Variants in IQCH observed in about 807,000 individuals in gnomAD.
IQCH encodes IQ motif containing H, also known as IQ domain-containing protein H.
IQCH carries 98 observed loss-of-function variants against 117.0 expected under a neutral mutation model. That is an observed-to-expected ratio of 0.84 (90% CI 0.71 to 0.99). The LOEUF (loss-of-function observed/expected upper bound fraction) is 0.99. Ranked by LOEUF, IQCH falls within the 50% of genes least tolerant of loss-of-function variation. The probability of loss-of-function intolerance (pLI) is 0.00; values close to 1 mark genes in which losing one functional copy is unlikely to be tolerated. For synonymous variants in IQCH, 412 were observed against 448.2 expected (o/e 0.92, Z 1.02); for missense variants, 1,102 against 1,243.8 (o/e 0.89, Z 1.72).
At position 67,421,402 on chromosome 15, in the gene IQCH, A is replaced by T; in HGVS notation, c.2330A>T (p.His777Leu). The stretch of plus-strand genomic sequence containing the variant: ...GTGCTGTCGACAGGGGACCAGCTTC[A>T]TGCTGAAAGCCCCTTCATCTCCTCT... ...ISVLSTGDQL[H>L]AESPFISSGT... is the part of the protein sequence containing the mutation. Residue 777 changes from histidine to leucine, a missense_variant, in exon 16 of 21, where the codon CAT becomes CTT. By Grantham distance (99) the His-to-Leu change is moderately conservative (BLOSUM62 -3). Transcript: ENST00000335894. 6.2e-7 allele frequency: 1 copy of T among 1,614,176 alleles called. No homozygotes were observed. Among genetic ancestry groups the T allele is most frequent in the Non-Finnish European group, 8.5e-7 (1 of 1,180,012 alleles).
Position 67,491,671 on chromosome 15 carries a change from C to G in IQCH, c.2861+1607C>G, listed in dbSNP as rs577157802. On this transcript the variant is annotated intron_variant, in intron 19 of 20. Transcript: ENST00000335894. This position sits in a 1 kb window ranked among gnomAD's most constrained non-coding sequence, Gnocchi z 4.9. The stretch of plus-strand genomic sequence containing the variant: ...AATCCATAACATCCCAACAAGCTTG[C>G]CTTCATCTTCTCCACCTAGGCCTTC... Among the ~76,000 whole-genome samples the G allele has an allele frequency of 6.6e-6, 1 of 152,264 alleles. No homozygotes were observed. Among genetic ancestry groups the G allele is most frequent in the East Asian group, 1.9e-4 (1 of 5,178 alleles).
chr15:67,398,738 A>G (rs1009863789), intron 13 of IQCH, among the ~76,000 whole-genome samples: 2 of 152,126 alleles, frequency 1.3e-5, no homozygotes, highest in African/African-American at 4.8e-5. Context: ...TTAAAAAAAA[A>G]AAAAATTGTG....
At chr15:67,338,968 G>A (rs1969024017) in intron 5 of IQCH, among the ~76,000 whole-genome samples, 2 of 152,084 alleles carry the variant, frequency 1.3e-5, no homozygotes, top group Admixed American at 1.3e-4. Context: ...CTTTTCCTCT[G>A]CCAGTAAAGG....
In IQCH at chr15:67,417,194, G is replaced by A. The variant is rs1354385579; in HGVS notation, c.2218+143G>A. On this transcript the variant is annotated intron_variant, in intron 15 of 20. Transcript: ENST00000335894. The surrounding 1 kb of genome is among the most constrained non-coding windows in gnomAD (Gnocchi z 4.3). ...GCTCCTACGGTTTTCTTTTTCAAAT[G>A]TTGCCTAAATATTTATCTTACACCC... 3 of 599,266 alleles carry A rather than the reference G, an allele frequency of 5.0e-6. No homozygotes were observed. Among genetic ancestry groups the A allele is most frequent in the South Asian group, 8.8e-5 (2 of 22,758 alleles). The allele number at this position is 599,266 out of a possible 1,614,324, so 37.1% of individuals were successfully genotyped here. A position where few individuals can be genotyped will look rare whatever the true frequency, so the allele number is the denominator to read the frequency against.
intron 14 of IQCH, among the ~76,000 whole-genome samples, chr15:67,414,780 G>C (rs2081536938): frequency 6.6e-6 from 1 of 151,892 alleles, no homozygotes; most frequent in Non-Finnish European, 1.5e-5. Flanking sequence ...ATGAATGAAT[G>C]ATTTATCTTT....
intron 4 of IQCH, 111 bp from the exon 5 acceptor site, chr15:67,336,864 C>T: frequency 9.5e-7 from 1 of 1,057,602 alleles, no homozygotes; most frequent in South Asian, 1.6e-5. Flanking sequence ...GATATTGCTA[C>T]TTTATTAAAA....
At chr15:67,314,013 ACT>A (rs1390306476) in intron 4 of IQCH, among the ~76,000 whole-genome samples, 1 of 151,874 alleles carries the variant, frequency 6.6e-6, no homozygotes, top group Non-Finnish European at 1.5e-5. Flanking sequence ...TTTACATACA[ACT>A]CTCTGTCCCT....
At chr15:67,274,764 C>G (rs1449142342) in intron 3 of IQCH, among the ~76,000 whole-genome samples, 1 of 151,910 alleles carries the variant, frequency 6.6e-6, no homozygotes, top group African/African-American at 2.4e-5. Flanking sequence ...TTATTCCAGT[C>G]TTCTCTCTCT....
At chr15:67,394,360 T>G (rs1971388251) in intron 12 of IQCH, among the ~76,000 whole-genome samples, 1 of 152,188 alleles carries the variant, frequency 6.6e-6, no homozygotes, top group Non-Finnish European at 1.5e-5. Flanking sequence ...GATACTGTTA[T>G]TACACTCATT....
intron 14 of IQCH, among the ~76,000 whole-genome samples, chr15:67,414,542 T>C (rs2081527094): frequency 6.6e-6 from 1 of 151,910 alleles, no homozygotes; most frequent in Non-Finnish European, 1.5e-5. Context: ...TCATCTGTCA[T>C]GTTGAGGAGT....
At chr15:67,468,073 C>T (rs887764687) in intron 17 of IQCH, among the ~76,000 whole-genome samples, 2 of 152,096 alleles carry the variant, frequency 1.3e-5, no homozygotes, top group Non-Finnish European at 2.9e-5. Flanking sequence ...CCCAGACGTG[C>T]GTGTTTTAGA....
chr15:67,259,480 A>G (rs562224553), intron 1 of IQCH, among the ~76,000 whole-genome samples: 3 of 152,254 alleles, frequency 2.0e-5, no homozygotes, highest in Admixed American at 6.5e-5. Context: ...AGAGCTAGAC[A>G]TTATATTCAG....
At chr15:67,318,352 T>G (rs1440944553) in intron 4 of IQCH, among the ~76,000 whole-genome samples, 1 of 152,144 alleles carries the variant, frequency 6.6e-6, no homozygotes, top group African/African-American at 2.4e-5. Flanking sequence ...GGGGGACCTA[T>G]GTGAAGAAAA....
Position 67,475,528 on chromosome 15 carries a change from G to T in IQCH, c.2677-168G>T, listed in dbSNP as rs2083181423. On this transcript the variant is annotated intron_variant, in intron 17 of 20. Coordinates refer to ENST00000335894, the MANE Select transcript of IQCH (RefSeq NM_001031715.3). The surrounding 1 kb of genome is among the most constrained non-coding windows in gnomAD (Gnocchi z 5.7). ...AATGTAGCAATTTGTTCCCTTAGTT[G>T]TGACAAATGTACCACAGCAATGTAA... Among the ~76,000 whole-genome samples, 1 of 152,172 alleles carries T rather than the reference G, an allele frequency of 6.6e-6. No individual in the cohort carries two copies. The highest frequency in any genetic ancestry group is 1.5e-5 in the Non-Finnish European group (1 of 68,036).
chr15:67,428,862 AAG>A (rs376864110), intron 16 of IQCH, among the ~76,000 whole-genome samples: 6 of 150,242 alleles, frequency 4.0e-5, no homozygotes, highest in South Asian at 2.1e-4. Context: ...AAAAAAAAAA[AAG>A]AGAGAGAGAG....
chr15:67,271,573 G>A (rs1452004199), intron 3 of IQCH, among the ~76,000 whole-genome samples: 1 of 152,244 alleles, frequency 6.6e-6, no homozygotes, highest in East Asian at 1.9e-4. Context: ...GAAACTTTTT[G>A]TCATGGCTTT....
In IQCH at chr15:67,425,949, T is replaced by A. The variant is rs2081878103; in HGVS notation, c.2505+4372T>A. On this transcript the variant is annotated intron_variant, in intron 16 of 20. Coordinates refer to ENST00000335894, the MANE Select transcript of IQCH (RefSeq NM_001031715.3). This position sits in a 1 kb window ranked among gnomAD's most constrained non-coding sequence, Gnocchi z 5.5. ...AATGGGTTGTATTTTGATACTTTCA[T>A]TGTTTTGATGCTCAGTTGTTCCAGA... Among the ~76,000 whole-genome samples the A allele has an allele frequency of 6.6e-6, 1 of 152,228 alleles. No homozygotes were observed. Among genetic ancestry groups the A allele is most frequent in the Non-Finnish European group, 1.5e-5 (1 of 68,040 alleles).
At position 67,475,844 on chromosome 15, in the gene IQCH, G is replaced by T; in HGVS notation, c.2799+26G>T. ...GTATGAAGGGTTACAGTTGGCCAGG[G>T]GCGGCCAAAGACATGCCTGTGGGTG... is the stretch of plus-strand genomic sequence containing the variant. On this transcript the variant is annotated intron_variant, in intron 18 of 20. Coordinates refer to ENST00000335894, the MANE Select transcript of IQCH (RefSeq NM_001031715.3). This position sits in a 1 kb window ranked among gnomAD's most constrained non-coding sequence, Gnocchi z 5.7. 6.2e-7 allele frequency: 1 copy of T among 1,608,640 alleles called. No homozygotes were observed. Among genetic ancestry groups the T allele is most frequent in the Non-Finnish European group, 8.5e-7 (1 of 1,175,898 alleles).
chr15:67,306,679 A>G (rs1056739995), intron 4 of IQCH: 30 of 679,142 alleles, frequency 4.4e-5, no homozygotes, highest in Non-Finnish European at 6.0e-5. Context: ...TCATATTGCA[A>G]AACTATCTTC....
Sources: gnomAD v4.1 joint callset for allele counts (sites outside exome capture counted in the v4.1 genomes callset) on GRCh38, gnomAD v4.1.1 for gene constraint, Gnocchi (gnomAD v3.1) non-coding constraint, MANE v1.5 for transcripts, NCBI Gene and HGNC (gene_info 2026-07-23, HGNC 2026-07-21) for gene names.